SLC5A10: variants seen among roughly 807,000 people sequenced by gnomAD.
SLC5A10 encodes the protein sodium/mannose cotransporter SLC5A10.
In SLC5A10, 55 loss-of-function variants were observed where a neutral mutation model predicts 68.9. That is an observed-to-expected ratio of 0.80 (90% CI 0.64 to 1.00). SLC5A10 has a LOEUF of 1.00. Among genes scored for constraint, SLC5A10 ranks in the 50% least tolerant of loss-of-function variants. The pLI is 0.00. For synonymous variants in SLC5A10, 344 were observed against 344.8 expected (o/e 1.00, Z 0.02); for missense variants, 732 against 819.3 (o/e 0.89, Z 1.30).
intron 9 of SLC5A10, 118 bp from the exon 10 acceptor site, chr17:19,013,292 C>T: frequency 6.7e-7 from 1 of 1,487,934 alleles, no homozygotes; most frequent in Non-Finnish European, 8.9e-7. Flanking sequence ...CAAATGGTAA[C>T]AGGTCAGAGG....
chr17:18,988,749 G>A (rs774332836), intron 9 of SLC5A10, among the ~76,000 whole-genome samples: 3 of 152,254 alleles, frequency 2.0e-5, no homozygotes, highest in African/African-American at 4.8e-5. Context: ...AGCAGCTGGC[G>A]TGGCGGCTCG....
intron 9 of SLC5A10, among the ~76,000 whole-genome samples, chr17:18,999,034 C>T (rs1439764240): frequency 1.3e-5 from 2 of 152,228 alleles, no homozygotes; most frequent in East Asian, 3.9e-4. Flanking sequence ...AATCCCAGCA[C>T]TTTGGGAGGC....
At chr17:18,999,949 G>T (rs1347031323) in intron 9 of SLC5A10, among the ~76,000 whole-genome samples, 1 of 152,222 alleles carries the variant, frequency 6.6e-6, no homozygotes, top group Non-Finnish European at 1.5e-5. Context: ...TCCTGTTGAG[G>T]GGGGCTCAGC....
upstream of SLC5A10, among the ~76,000 whole-genome samples, chr17:18,951,240 G>A (rs1009185089): frequency 1.3e-5 from 2 of 152,254 alleles, no homozygotes; most frequent in Admixed American, 1.3e-4. Context: ...TAGAATTAGT[G>A]AGCGAGCGTC....
chr17:18,982,144 G>A (rs891057710), intron 9 of SLC5A10, among the ~76,000 whole-genome samples: 26 of 152,224 alleles, frequency 1.7e-4, no homozygotes, highest in Non-Finnish European at 3.7e-4. Flanking sequence ...GCAGGCCTCG[G>A]CTGGGCCGCT....
At chr17:18,969,469 C>A in intron 7 of SLC5A10, 47 bp downstream of exon 7, 2 of 1,563,296 alleles carry the variant, frequency 1.3e-6, no homozygotes, top group Non-Finnish European at 1.8e-6. Flanking sequence ...CCACAGCGAG[C>A]CCTTTGGAGT....
rs1436417574 is a variant in SLC5A10, at chr17:19,003,684, A to G, written c.983-9726A>G. 2 of 1,610,662 alleles carry G rather than the reference A, an allele frequency of 1.2e-6. No individual in the cohort carries two copies. Among genetic ancestry groups the G allele is most frequent in the Non-Finnish European group, 1.7e-6 (2 of 1,178,730 alleles). On this transcript the variant is annotated intron_variant, in intron 9 of 14. Transcript: ENST00000395645. This position sits in a 1 kb window ranked among gnomAD's most constrained non-coding sequence, Gnocchi z 4.5. ...ATGGAGCGGTCCGACTTCTGGGGCC[A>G]GTACTCCAGGGAGGGCAGCGGCTCG...
Position 19,020,501 on chromosome 17 carries a change from C to G in SLC5A10, c.*70C>G. ...TCCACCCATTTCCCTCATGGGGATC[C>G]CGAGGCCCCAAGAGGGGCAGATTCC... On this transcript the variant is annotated 3_prime_UTR_variant, in exon 15 of 15. Coordinates refer to ENST00000395645, the MANE Select transcript of SLC5A10 (RefSeq NM_001042450.4). 6.7e-7 allele frequency: 1 copy of G among 1,482,938 alleles called. No homozygotes were observed. Among genetic ancestry groups the G allele is most frequent in the Non-Finnish European group, 9.3e-7 (1 of 1,073,550 alleles). The allele number at this position is 1,482,938 out of a possible 1,614,324, so 91.9% of individuals were successfully genotyped here.
chr17:18,965,229 G>A (rs1330807244), intron 5 of SLC5A10, among the ~76,000 whole-genome samples: 1 of 152,084 alleles, frequency 6.6e-6, no homozygotes, highest in African/African-American at 2.4e-5. Flanking sequence ...TGTGTGTTTT[G>A]GAGACGGAAT....
chr17:18,992,777 C>T (rs1040616726), intron 9 of SLC5A10, among the ~76,000 whole-genome samples: 4 of 152,162 alleles, frequency 2.6e-5, no homozygotes, highest in Non-Finnish European at 5.9e-5. Context: ...GCCGAGGGAC[C>T]CCAACTCCTG....
Position 18,957,469 on chromosome 17 carries a change from T to C in SLC5A10, c.112-1213T>C, listed in dbSNP as rs539729546. ...TCATTTTAACCATTTTATTTTATTT[T>C]ATTTTATTTATTTATTTTGAGACGG... On this transcript the variant is annotated intron_variant, in intron 1 of 14. Coordinates refer to ENST00000395645, the MANE Select transcript of SLC5A10 (RefSeq NM_001042450.4). Among the ~76,000 whole-genome samples, 31 of 149,922 alleles carry C rather than the reference T, an allele frequency of 2.1e-4. No individual in the cohort carries two copies. In the East Asian group the frequency reaches 5.4e-3, roughly 26 times the overall value.
chr17:18,974,811 G>A (rs945232943), intron 8 of SLC5A10, among the ~76,000 whole-genome samples: 2 of 152,324 alleles, frequency 1.3e-5, no homozygotes, highest in Admixed American at 1.3e-4. Flanking sequence ...TGGCCACTCA[G>A]GGAGTGAGTG....
intron 9 of SLC5A10, among the ~76,000 whole-genome samples, chr17:19,005,182 G>T (rs1341766066): frequency 1.3e-5 from 2 of 152,206 alleles, no homozygotes; most frequent in Non-Finnish European, 2.9e-5. Flanking sequence ...GAGCCCCCAG[G>T]CAGGGATAGG....
At chr17:19,014,293 A>AC (rs1331042607) in intron 10 of SLC5A10, among the ~76,000 whole-genome samples, 3 of 152,158 alleles carry the variant, frequency 2.0e-5, no homozygotes, top group African/African-American at 7.2e-5. Flanking sequence ...GCAGTTGAGC[A>AC]TCCTTCCACC....
intron 9 of SLC5A10, among the ~76,000 whole-genome samples, chr17:18,989,332 G>T (rs991871207): frequency 6.6e-6 from 1 of 152,182 alleles, no homozygotes; most frequent in East Asian, 1.9e-4. Flanking sequence ...GCTGGGATGC[G>T]GAGATTCAGG....
intron 9 of SLC5A10, chr17:18,978,613 A>C: frequency 6.2e-7 from 1 of 1,613,080 alleles, no homozygotes; most frequent in Non-Finnish European, 8.5e-7. Context: ...TGGCCTTGAC[A>C]AGTGCGTACT....
chr17:19,003,393 A>C lies in SLC5A10; in HGVS notation c.983-10017A>C, dbSNP rs559556279. On this transcript the variant is annotated intron_variant, in intron 9 of 14. Transcript: ENST00000395645. This position sits in a 1 kb window ranked among gnomAD's most constrained non-coding sequence, Gnocchi z 4.5. The stretch of plus-strand genomic sequence containing the variant: ...GGAAACCTCCACCCAAGAGGCAGCC[A>C]GGGAAAACAGCAGAGATCCCTAGAA... 13 of 1,038,224 alleles carry C rather than the reference A, an allele frequency of 1.3e-5. No homozygotes were observed. The highest frequency in any genetic ancestry group is 1.5e-5 in the Non-Finnish European group (12 of 776,888). The allele number at this position is 1,038,224 out of a possible 1,614,324, so 64.3% of individuals were successfully genotyped here. A position where few individuals can be genotyped will look rare whatever the true frequency, so the allele number is the denominator to read the frequency against.
intron 9 of SLC5A10, among the ~76,000 whole-genome samples, chr17:18,980,679 G>A (rs977412207): frequency 3.9e-5 from 6 of 152,144 alleles, no homozygotes; most frequent in Non-Finnish European, 7.4e-5. Flanking sequence ...AGGAAGGACA[G>A]GGCGAGCCTG....
At chr17:18,953,530 T>G (rs906361288) in intron 1 of SLC5A10, 2 of 152,650 alleles carry the variant, frequency 1.3e-5, no homozygotes, top group Admixed American at 6.5e-5. Context: ...GCCTCAGTGT[T>G]CTGATCTGTT....
Sources: allele counts gnomAD v4.1 joint callset (sites outside exome capture counted in the v4.1 genomes callset), GRCh38; gene constraint gnomAD v4.1.1; non-coding constraint Gnocchi (gnomAD v3.1); transcripts MANE v1.5; gene names NCBI Gene and HGNC (gene_info 2026-07-23, HGNC 2026-07-21).